Variants in ATRNL1 observed in about 807,000 individuals in gnomAD.
ATRNL1 encodes the protein attractin like 1.
ATRNL1 carries 95 observed loss-of-function variants against 182.7 expected under a neutral mutation model. The ratio of observed to expected loss-of-function variants is 0.52; its 90% CI spans 0.44 to 0.62. ATRNL1 has a LOEUF of 0.62. Ranked by LOEUF, ATRNL1 falls within the 20% of genes least tolerant of loss-of-function variation. ATRNL1 has a pLI of 0.00. For missense variants in ATRNL1, 1,471 were observed against 1,679.5 expected (o/e 0.88, Z 2.17); for synonymous variants, 576 against 568.3 (o/e 1.01, Z -0.19).
intron 27 of ATRNL1, among the ~76,000 whole-genome samples, chr10:115,778,187 T>A (rs1949174740): frequency 6.6e-6 from 1 of 152,148 alleles, no homozygotes; most frequent in African/African-American, 2.4e-5. Context: ...ATATAAAGCA[T>A]TAGGATAGGT....
intron 20 of ATRNL1, among the ~76,000 whole-genome samples, chr10:115,413,715 A>C (rs924227255): frequency 1.6e-4 from 25 of 152,152 alleles, no homozygotes; most frequent in African/African-American, 6.0e-4. Context: ...GTATAAGAAG[A>C]TATTTCAGGC....
intron 20 of ATRNL1, among the ~76,000 whole-genome samples, chr10:115,399,115 T>C (rs1844429526): frequency 1.3e-5 from 2 of 152,158 alleles, no homozygotes; most frequent in Non-Finnish European, 2.9e-5. Flanking sequence ...CAGTGTTTTG[T>C]TGAGGATTTT....
chr10:115,716,636 G>A (rs1324889983), intron 26 of ATRNL1, among the ~76,000 whole-genome samples: 1 of 152,048 alleles, frequency 6.6e-6, no homozygotes, highest in Non-Finnish European at 1.5e-5. Context: ...CTTGGGGTTG[G>A]GGGAACTACT....
intron 9 of ATRNL1, among the ~76,000 whole-genome samples, chr10:115,240,684 G>A (rs139265203): frequency 2.0e-5 from 3 of 151,944 alleles, no homozygotes; most frequent in Non-Finnish European, 4.4e-5. Flanking sequence ...ACTTCTAATT[G>A]TTTGTATCAG....
intron 19 of ATRNL1, among the ~76,000 whole-genome samples, chr10:115,343,505 A>T (rs781902193): frequency 1.3e-5 from 2 of 152,120 alleles, no homozygotes; most frequent in Non-Finnish European, 2.9e-5. Flanking sequence ...TGTTACATTC[A>T]TCTAATAGAA....
At chr10:115,574,775 A>G (rs1362715118) in intron 26 of ATRNL1, among the ~76,000 whole-genome samples, 1 of 152,202 alleles carries the variant, frequency 6.6e-6, no homozygotes, top group Non-Finnish European at 1.5e-5. Context: ...CCAATTTCCT[A>G]CACATAGGGT....
intron 9 of ATRNL1, among the ~76,000 whole-genome samples, chr10:115,216,223 C>A (rs1178989192): frequency 6.6e-6 from 1 of 152,206 alleles, no homozygotes; most frequent in Admixed American, 6.5e-5. Context: ...ACTTCTTGCA[C>A]TGATCTTTTC....
intron 19 of ATRNL1, among the ~76,000 whole-genome samples, chr10:115,393,397 A>G (rs1223512473): frequency 6.6e-6 from 1 of 152,184 alleles, no homozygotes; most frequent in Non-Finnish European, 1.5e-5. Flanking sequence ...TAGAGTTACT[A>G]TTGATACTGG....
At chr10:115,539,504 C>T (rs1852230070) in intron 25 of ATRNL1, among the ~76,000 whole-genome samples, 1 of 152,142 alleles carries the variant, frequency 6.6e-6, no homozygotes, top group African/African-American at 2.4e-5. Flanking sequence ...CATTTTTCCC[C>T]TTTAGTGCCC....
chr10:115,660,449 G>A (rs892972700), intron 26 of ATRNL1, among the ~76,000 whole-genome samples: 1 of 152,116 alleles, frequency 6.6e-6, no homozygotes, highest in Non-Finnish European at 1.5e-5. Flanking sequence ...AGTTTTATGA[G>A]ACAGATGAGG....
intron 26 of ATRNL1, among the ~76,000 whole-genome samples, chr10:115,563,432 C>T (rs1853881554): frequency 6.6e-6 from 1 of 152,122 alleles, no homozygotes; most frequent in Non-Finnish European, 1.5e-5. Context: ...CTACCACCAC[C>T]CACCTCCCCT....
At chr10:115,342,287 G>A (rs782503243) in intron 19 of ATRNL1, among the ~76,000 whole-genome samples, 3 of 151,044 alleles carry the variant, frequency 2.0e-5, no homozygotes, top group Non-Finnish European at 4.4e-5. Flanking sequence ...TCTTCCTTTA[G>A]TGAAGGCCTT....
chr10:115,907,821 G>A (rs1952549212), intron 28 of ATRNL1, among the ~76,000 whole-genome samples: 1 of 152,034 alleles, frequency 6.6e-6, no homozygotes, highest in Non-Finnish European at 1.5e-5. Flanking sequence ...ATCTGATGAA[G>A]GTCTTAAAGG....
chr10:115,579,204 T>C lies in ATRNL1; in HGVS notation c.3795+29668T>C, dbSNP rs538998231. On this transcript the variant is annotated intron_variant, in intron 26 of 28. Transcript: ENST00000355044. Reference sequence around the variant, plus strand: ...GTTGAATAGAATGTTCTATATATGTTGATTAGGTCTAAGGTACAGCTTAAA... The same window carrying C: ...GTTGAATAGAATGTTCTATATATGTCGATTAGGTCTAAGGTACAGCTTAAA... Among the ~76,000 whole-genome samples, 16 of 151,918 alleles carry C rather than the reference T, an allele frequency of 1.1e-4. 1 individual carries two copies. Among genetic ancestry groups the C allele is most frequent in the South Asian group, 1.0e-3 (5 of 4,824 alleles).
chr10:115,885,400 T>A (rs1173023900), intron 28 of ATRNL1, among the ~76,000 whole-genome samples: 2 of 152,312 alleles, frequency 1.3e-5, no homozygotes, highest in East Asian at 3.9e-4. Flanking sequence ...AGTCTCACGG[T>A]TTTTTTCTTG....
chr10:115,515,226 C>T (rs1850577186), intron 24 of ATRNL1, among the ~76,000 whole-genome samples: 1 of 151,618 alleles, frequency 6.6e-6, no homozygotes, highest in Non-Finnish European at 1.5e-5. Flanking sequence ...GTACCTTCCA[C>T]AGCTTGAGTT....
chr10:115,860,996 C>A (rs1589616124), intron 28 of ATRNL1, among the ~76,000 whole-genome samples: 1 of 152,102 alleles, frequency 6.6e-6, no homozygotes, highest in Non-Finnish European at 1.5e-5. Flanking sequence ...TGGTGACTCT[C>A]AGAATGCTCT....
intron 26 of ATRNL1, among the ~76,000 whole-genome samples, chr10:115,588,703 T>G (rs1184383106): frequency 5.9e-5 from 9 of 152,092 alleles, no homozygotes; most frequent in Non-Finnish European, 7.4e-5. Flanking sequence ...TTCCTACCCG[T>G]GTTGGTGTGG....
At chr10:115,237,244 T>G (rs1850224379) in intron 9 of ATRNL1, among the ~76,000 whole-genome samples, 1 of 152,208 alleles carries the variant, frequency 6.6e-6, no homozygotes, top group African/African-American at 2.4e-5. Flanking sequence ...TATTTTCAAC[T>G]CATTCAGGTG....
Sources: gnomAD v4.1 joint callset for allele counts (sites outside exome capture counted in the v4.1 genomes callset) on GRCh38, gnomAD v4.1.1 for gene constraint, MANE v1.5 for transcripts, NCBI Gene and HGNC (gene_info 2026-07-23, HGNC 2026-07-21) for gene names.